The following GAS2 variants were observed in gnomAD, a reference collection of about 807,000 sequenced individuals.
GAS2 encodes the protein growth arrest specific 2, also known as growth arrest-specific protein 2.
A neutral mutation model predicts 37.5 loss-of-function variants in GAS2; 20 were observed. The observed-to-expected ratio is 0.53, with a 90% CI of 0.37 to 0.77. GAS2 has a LOEUF of 0.77. Ranked by LOEUF, GAS2 falls within the 30% of genes least tolerant of loss-of-function variation. The pLI, the probability that GAS2 is intolerant of heterozygous loss-of-function variation, is 0.00. For missense variants in GAS2, 336 were observed against 373.4 expected (o/e 0.90, Z 0.82); for synonymous variants, 144 against 132.2 (o/e 1.09, Z -0.61).
At chr11:22,686,858 C>G (rs1050225232) in intron 3 of GAS2, among the ~76,000 whole-genome samples, 5 of 152,038 alleles carry the variant, frequency 3.3e-5, no homozygotes, top group African/African-American at 7.2e-5. Flanking sequence ...GTGTGTATTA[C>G]CACTGAATTT....
intron 7 of GAS2, among the ~76,000 whole-genome samples, chr11:22,792,823 A>T (rs1432021614): frequency 6.6e-6 from 1 of 152,252 alleles, no homozygotes; most frequent in Non-Finnish European, 1.5e-5. Flanking sequence ...GAAGACTGAA[A>T]AATTTGGAAG....
chr11:22,723,642 T>G (rs1852049481), intron 3 of GAS2, among the ~76,000 whole-genome samples: 1 of 151,992 alleles, frequency 6.6e-6, no homozygotes, highest in Admixed American at 6.6e-5. Flanking sequence ...TATTTTATAG[T>G]TCCTAGATTA....
chr11:22,701,019 T>G (rs1850811927), intron 3 of GAS2, among the ~76,000 whole-genome samples: 1 of 152,216 alleles, frequency 6.6e-6, no homozygotes, highest in African/African-American at 2.4e-5. Context: ...TATTAGAACC[T>G]TTATTTTCTA....
intron 1 of GAS2, among the ~76,000 whole-genome samples, chr11:22,646,732 C>T (rs952159145): frequency 6.6e-6 from 1 of 152,070 alleles, no homozygotes; most frequent in Non-Finnish European, 1.5e-5. Context: ...AAGCAAAAAC[C>T]TACTTCATAC....
intron 7 of GAS2, among the ~76,000 whole-genome samples, chr11:22,810,980 G>A (rs1031021829): frequency 5.3e-5 from 8 of 152,030 alleles, no homozygotes; most frequent in Non-Finnish European, 1.0e-4. Context: ...GAGTCAGCAG[G>A]GTCTTTGATG....
chr11:22,723,902 A>C (rs1471822938), intron 3 of GAS2, among the ~76,000 whole-genome samples: 3 of 151,528 alleles, frequency 2.0e-5, no homozygotes, highest in African/African-American at 7.3e-5. Flanking sequence ...TTTTTTTTTA[A>C]ATTTGGTAGT....
chr11:22,675,048 A>T, intron 2 of GAS2, 34 bp downstream of exon 2: 2 of 1,604,722 alleles, frequency 1.2e-6, no homozygotes, highest in South Asian at 1.1e-5. Flanking sequence ...GTGAGCAAAG[A>T]CAACAGTTTT....
chr11:22,665,857 A>G (rs1848975969), upstream of GAS2, among the ~76,000 whole-genome samples: 1 of 152,260 alleles, frequency 6.6e-6, no homozygotes, highest in African/African-American at 2.4e-5. Flanking sequence ...GTAACTCATC[A>G]TTATAAAAAT....
Position 22,632,571 on chromosome 11 carries a change from G to A in GAS2, c.-21+6758G>A, listed in dbSNP as rs1030345892. 3.9e-5 allele frequency among the ~76,000 whole-genome samples: 6 copies of A among 152,098 alleles called. No individual in the cohort carries two copies. The East Asian group carries it at 7.7e-4, about 19-fold the overall frequency. On this transcript the variant is annotated intron_variant, in intron 1 of 5. Transcript: ENST00000528582. The stretch of plus-strand genomic sequence containing the variant: ...ATGCATTTCCCAGGAGTTGTTTGAG[G>A]TTTTTGTATTTGAATATCTAAATTG...
At position 22,812,943 on chromosome 11, in the gene GAS2, A is replaced by T. The variant is rs760389132; in HGVS notation, c.*927A>T. 14 of 152,604 alleles carry T rather than the reference A, an allele frequency of 9.2e-5. No individual in the cohort carries two copies. Among genetic ancestry groups the T allele is most frequent in the Non-Finnish European group, 1.8e-4 (12 of 68,008 alleles). The allele number at this position is 152,604 out of a possible 1,614,324, so 9.5% of individuals were successfully genotyped here. ...GGACAGGGCTGTTTTATACCAATAA[A>T]CAGCAAAATATTGTCCTTACTCATT... On this transcript the variant is annotated 3_prime_UTR_variant, in exon 8 of 8. Transcript: ENST00000454584.
Position 22,674,901 on chromosome 11 carries a change from G to A in GAS2, c.32G>A (p.Ser11Asn). 1 of 1,613,008 alleles carries A rather than the reference G, an allele frequency of 6.2e-7. No individual in the cohort carries two copies. Among genetic ancestry groups the A allele is most frequent in the Non-Finnish European group, 8.5e-7 (1 of 1,179,472 alleles). ...ACTGCTCTGAGCCCAAAGGTACGCAGTGGACCTGGCCTCTCTGATATGCAT... is the reference window on the plus strand; with the variant it reads ...ACTGCTCTGAGCCCAAAGGTACGCAATGGACCTGGCCTCTCTGATATGCAT... MCTALSPKVR[S>N]GPGLSDMHQY... Residue 11 changes from serine (S) to asparagine (N), a missense_variant, in exon 2 of 8, where the codon AGT becomes AAT. By Grantham distance (46) the Ser-to-Asn change is conservative. Transcript: ENST00000454584.
intron 7 of GAS2, among the ~76,000 whole-genome samples, chr11:22,772,939 G>C (rs771014748): frequency 6.6e-6 from 1 of 152,170 alleles, no homozygotes. Context: ...AGCTACACCA[G>C]TGGGCTCTTT....
At chr11:22,764,591 G>GAA (rs1854584045) in intron 7 of GAS2, among the ~76,000 whole-genome samples, 9 of 24,594 alleles carry the variant, frequency 3.7e-4, no homozygotes, top group African/African-American at 4.2e-4. Flanking sequence ...GAACAAAAAA[G>GAA]CAAGAAAGAC....
intron 2 of GAS2, among the ~76,000 whole-genome samples, chr11:22,683,174 A>AT (rs397975738): frequency 2.6e-5 from 4 of 151,984 alleles, no homozygotes; most frequent in Non-Finnish European, 5.9e-5. Flanking sequence ...GGAAAAAAAA[A>AT]GTCATTTTAA....
At chr11:22,678,418 A>G (rs1849534862) in intron 2 of GAS2, among the ~76,000 whole-genome samples, 1 of 152,130 alleles carries the variant, frequency 6.6e-6, no homozygotes, top group Non-Finnish European at 1.5e-5. Flanking sequence ...GATTTTTATT[A>G]TGCAGCTCTT....
intron 7 of GAS2, among the ~76,000 whole-genome samples, chr11:22,779,974 T>G (rs75187377): frequency 0.15 from 22,133 of 152,242 alleles, 1,710 homozygotes; most frequent in Non-Finnish European, 0.17. Flanking sequence ...TGCTGTGTTT[T>G]CTTCCATTCT....
intron 3 of GAS2, among the ~76,000 whole-genome samples, chr11:22,718,859 C>T (rs768013687): frequency 1.1e-4 from 16 of 151,838 alleles, no homozygotes; most frequent in Non-Finnish European, 2.1e-4. Flanking sequence ...AGAAGCTGTT[C>T]GTAGTTGATG....
rs981877086 is a variant in GAS2, at chr11:22,642,026, T to G, written c.-21+16213T>G. On this transcript the variant is annotated intron_variant, in intron 1 of 5. Coordinates refer to the GAS2 transcript ENST00000528582. ...GAAATATTTGTAGATGGACTAAGATTGTGAAGACATTAGAATACCTTGCTA... is the reference window on the plus strand; with the variant it reads ...GAAATATTTGTAGATGGACTAAGATGGTGAAGACATTAGAATACCTTGCTA... Among the ~76,000 whole-genome samples the G allele has an allele frequency of 2.6e-5, 4 of 152,226 alleles. No homozygotes were observed. In the East Asian group the frequency reaches 7.7e-4, roughly 29 times the overall value.
intron 1 of GAS2, among the ~76,000 whole-genome samples, chr11:22,629,013 G>GTA (rs1436839242): frequency 2.0e-5 from 3 of 150,696 alleles, no homozygotes; most frequent in Non-Finnish European, 4.4e-5. Context: ...GTGTGTGTGT[G>GTA]TGTATGTATG....
Sources: allele counts gnomAD v4.1 joint callset (sites outside exome capture counted in the v4.1 genomes callset), GRCh38; gene constraint gnomAD v4.1.1; transcripts MANE v1.5; gene names NCBI Gene and HGNC (gene_info 2026-07-23, HGNC 2026-07-21).